The following XRCC4 variants were observed in gnomAD, a reference collection of about 807,000 sequenced individuals.
XRCC4 encodes DNA repair protein XRCC4.
XRCC4 carries 28 observed loss-of-function variants against 39.1 expected under a neutral mutation model. The ratio of observed to expected loss-of-function variants is 0.72; its 90% CI spans 0.53 to 0.98. The LOEUF (loss-of-function observed/expected upper bound fraction) is 0.98. Ranked by LOEUF, XRCC4 falls within the 50% of genes least tolerant of loss-of-function variation. XRCC4 has a pLI of 0.00. For synonymous variants in XRCC4, 123 were observed against 126.4 expected (o/e 0.97, Z 0.18); for missense variants, 350 against 376.4 (o/e 0.93, Z 0.58).
At chr5:83,114,795 C>T (rs1482882882) in intron 3 of XRCC4, among the ~76,000 whole-genome samples, 1 of 152,182 alleles carries the variant, frequency 6.6e-6, no homozygotes, top group East Asian at 1.9e-4. Flanking sequence ...ACCTTTATAG[C>T]AGCACTCCAG....
chr5:83,105,681 A>T (rs1373660960), intron 2 of XRCC4, among the ~76,000 whole-genome samples: 1 of 152,148 alleles, frequency 6.6e-6, no homozygotes, highest in Non-Finnish European at 1.5e-5. Flanking sequence ...ATGTAGCCTT[A>T]TATTTTCCTT....
chr5:83,306,914 G>A (rs1427859374), intron 7 of XRCC4, among the ~76,000 whole-genome samples: 1 of 152,106 alleles, frequency 6.6e-6, no homozygotes, highest in East Asian at 1.9e-4. Context: ...ACAGAGGAAG[G>A]GAAATTTCAT....
intron 6 of XRCC4, among the ~76,000 whole-genome samples, chr5:83,223,830 CCT>C (rs1752184370): frequency 2.0e-5 from 2 of 98,196 alleles, no homozygotes; most frequent in African/African-American, 8.1e-5. Flanking sequence ...ATCCCTCCCC[CCT>C]CCCCCCACCC....
At chr5:83,334,621 A>G (rs1756536054) in intron 7 of XRCC4, among the ~76,000 whole-genome samples, 2 of 152,122 alleles carry the variant, frequency 1.3e-5, no homozygotes, top group East Asian at 3.9e-4. Context: ...CTTTTATAAT[A>G]CAACTACTTT....
At chr5:83,348,946 C>T (rs1561487011) in intron 7 of XRCC4, among the ~76,000 whole-genome samples, 1 of 152,106 alleles carries the variant, frequency 6.6e-6, no homozygotes, top group African/African-American at 2.4e-5. Flanking sequence ...ACCTCTACTC[C>T]AGTTCCCAAT....
intron 3 of XRCC4, among the ~76,000 whole-genome samples, chr5:83,144,552 A>ACCCCC (rs70973381): frequency 4.1e-4 from 16 of 38,714 alleles, no homozygotes; most frequent in East Asian, 3.3e-3. Context: ...GTGTCTCCCC[A>ACCCCC]CCCCCCCCCC....
intron 7 of XRCC4, among the ~76,000 whole-genome samples, chr5:83,281,415 C>T (rs964992707): frequency 4.1e-4 from 62 of 152,134 alleles, no homozygotes; most frequent in Non-Finnish European, 1.5e-4. Context: ...TCCCTAACTC[C>T]CTAGTCCTAA....
intron 7 of XRCC4, among the ~76,000 whole-genome samples, chr5:83,267,121 G>T (rs1753983621): frequency 6.6e-6 from 1 of 152,110 alleles, no homozygotes; most frequent in Non-Finnish European, 1.5e-5. Context: ...AATCCTTTTG[G>T]AGCTATATGG....
chr5:83,084,568 T>C (rs2112289146), intron 1 of XRCC4, among the ~76,000 whole-genome samples: 1 of 152,356 alleles, frequency 6.6e-6, no homozygotes, highest in South Asian at 2.1e-4. Flanking sequence ...TTACTACCAG[T>C]AACTTCATGT....
At position 83,134,872 on chromosome 5, in the gene XRCC4, C is replaced by T. The variant is rs529586768; in HGVS notation, c.315+23669C>T. Among the ~76,000 whole-genome samples the T allele has an allele frequency of 8.8e-4, 134 of 152,268 alleles. No individual in the cohort carries two copies. The Middle Eastern group carries it at 0.01, about 12-fold the overall frequency. On this transcript the variant is annotated intron_variant, in intron 3 of 7. Transcript: ENST00000396027. ...TGGGCAGAAGGAACAACTCTGGACA[C>T]GCCACCTTGAAGAGCTGTGACACTG... is the stretch of plus-strand genomic sequence containing the variant.
At chr5:83,159,264 G>A (rs537498193) in intron 3 of XRCC4, among the ~76,000 whole-genome samples, 36 of 152,008 alleles carry the variant, frequency 2.4e-4, no homozygotes, top group African/African-American at 8.2e-4. Context: ...TATTTGCAAG[G>A]CAGTAATTCC....
At chr5:83,140,473 G>A (rs1043270470) in intron 3 of XRCC4, among the ~76,000 whole-genome samples, 1 of 152,152 alleles carries the variant, frequency 6.6e-6, no homozygotes, top group Non-Finnish European at 1.5e-5. Context: ...AGCCCATTGA[G>A]GGTAGGTCTT....
intron 6 of XRCC4, among the ~76,000 whole-genome samples, chr5:83,231,719 G>C (rs1752502508): frequency 1.3e-5 from 2 of 152,040 alleles, no homozygotes; most frequent in African/African-American, 4.8e-5. Flanking sequence ...GAAGGATAAA[G>C]TATGGTTTAT....
At chr5:83,198,679 ATGG>A (rs1389426435) in intron 4 of XRCC4, among the ~76,000 whole-genome samples, 1 of 152,140 alleles carries the variant, frequency 6.6e-6, no homozygotes, top group Non-Finnish European at 1.5e-5. Flanking sequence ...ATTTGGGATG[ATGG>A]TGGAGAATAA....
chr5:83,371,792 A>G, the XRCC4 span, among the ~76,000 whole-genome samples: 17 of 152,322 alleles, frequency 1.1e-4, no homozygotes, highest in Non-Finnish European at 1.8e-4. Flanking sequence ...CACATGAAAG[A>G]TTGAAGAAAT....
chr5:83,142,035 T>A (rs974463588), intron 3 of XRCC4, among the ~76,000 whole-genome samples: 2 of 152,218 alleles, frequency 1.3e-5, no homozygotes, highest in Admixed American at 6.5e-5. Flanking sequence ...CTTCTTTTAT[T>A]CAAAACTGTT....
chr5:83,342,462 C>A (rs536211673), intron 7 of XRCC4, among the ~76,000 whole-genome samples: 1 of 152,168 alleles, frequency 6.6e-6, no homozygotes, highest in African/African-American at 2.4e-5. Flanking sequence ...CTTTATTATT[C>A]TGCTGATTTT....
chr5:83,122,787 C>T (rs1747071786), intron 3 of XRCC4, among the ~76,000 whole-genome samples: 1 of 152,070 alleles, frequency 6.6e-6, no homozygotes, highest in East Asian at 1.9e-4. Flanking sequence ...TCATTTTAGT[C>T]CTCACCCTTG....
At chr5:83,281,553 T>G (rs2112954719) in intron 7 of XRCC4, among the ~76,000 whole-genome samples, 1 of 152,258 alleles carries the variant, frequency 6.6e-6, no homozygotes, top group African/African-American at 2.4e-5. Context: ...ATTGAAACCT[T>G]TTATGGCTTT....
Sources: allele counts gnomAD v4.1 joint callset (sites outside exome capture counted in the v4.1 genomes callset), GRCh38; gene constraint gnomAD v4.1.1; transcripts MANE v1.5; gene names NCBI Gene and HGNC (gene_info 2026-07-23, HGNC 2026-07-21).